The following PCDHGB3 variants were observed in gnomAD, a reference collection of about 807,000 sequenced individuals.
PCDHGB3 encodes the protein protocadherin gamma subfamily B, 3, also known as protocadherin gamma-B3.
A neutral mutation model predicts 59.2 loss-of-function variants in PCDHGB3; 40 were observed. That is an observed-to-expected ratio of 0.68 (90% CI 0.52 to 0.88). The LOEUF is 0.88. PCDHGB3 is among the 40% of genes least tolerant of loss of function. The pLI is 0.00. For missense variants in PCDHGB3, 1,309 were observed against 1,187.9 expected, an observed-to-expected ratio of 1.10 and a Z score of -1.50; for synonymous variants, 581 against 503.6, an observed-to-expected ratio of 1.15 and a Z score of -2.06.
chr5:141,444,376 G>A (rs977995642), intron 1 of PCDHGB3, among the ~76,000 whole-genome samples: 1 of 151,796 alleles, frequency 6.6e-6, no homozygotes, highest in Non-Finnish European at 1.5e-5. Flanking sequence ...TCTCCATGTT[G>A]GTCAGGCTAG....
In PCDHGB3 at chr5:141,442,072, C is replaced by G. The variant is rs1034351866; in HGVS notation, c.2416-52735C>G. On this transcript the variant is annotated intron_variant, in intron 1 of 3. Transcript: ENST00000576222. ...GTCGCGGTGCACTGCGGTGGACAGC[C>G]GCTCCTCTCGCTACCGCCACGTCAC... 17 of 175,092 alleles carry G rather than the reference C, an allele frequency of 9.7e-5. No homozygotes were observed. The South Asian group carries it at 1.5e-3, about 16-fold the overall frequency. 10.8% of individuals were successfully genotyped at this position (175,092 alleles called of 1,614,324 possible). A position where few individuals can be genotyped will look rare whatever the true frequency, so the allele number is the denominator to read the frequency against.
rs571984924 is a variant in PCDHGB3 at position 141,383,845 on chromosome 5, G to T, written c.2415+11036G>T. ...AGATTATGAAGAAACTGCCTTCTAT[G>T]AAATGGAGGTTCAGGCTCAAGATGG... On this transcript the variant is annotated intron_variant, in intron 1 of 3. Coordinates refer to ENST00000576222, the MANE Select transcript of PCDHGB3 (RefSeq NM_018924.5). The T allele has an allele frequency of 1.6e-4, 259 of 1,613,938 alleles. 1 individual carries two copies. The South Asian group carries it at 2.6e-3, about 16-fold the overall frequency.
Position 141,490,795 on chromosome 5 carries a change from C to G in PCDHGB3, c.2416-4012C>G. The G allele has an allele frequency of 6.2e-7, 1 of 1,614,036 alleles. No homozygotes were observed. The highest frequency in any genetic ancestry group is 1.1e-5 in the South Asian group (1 of 91,084). Reference sequence around the variant, plus strand: ...CCCAGAGGATGGACGGATCTTTGCCCAGCGTACCTTTGACTATGAATTGCT... The same window carrying G: ...CCCAGAGGATGGACGGATCTTTGCCGAGCGTACCTTTGACTATGAATTGCT... On this transcript the variant is annotated intron_variant, in intron 1 of 3. Transcript: ENST00000576222. This position sits in a 1 kb window ranked among gnomAD's most constrained non-coding sequence, Gnocchi z 5.4.
Position 141,489,381 on chromosome 5 carries a change from T to C in PCDHGB3, c.2416-5426T>C. 3 of 1,613,894 alleles carry C rather than the reference T, an allele frequency of 1.9e-6. No individual in the cohort carries two copies. The highest frequency in any genetic ancestry group is 2.5e-6 in the Non-Finnish European group (3 of 1,179,802). On this transcript the variant is annotated intron_variant, in intron 1 of 3. Coordinates refer to ENST00000576222, the MANE Select transcript of PCDHGB3 (RefSeq NM_018924.5). The surrounding 1 kb of genome is among the most constrained non-coding windows in gnomAD (Gnocchi z 4.5). ...CTGAGCCGGGGACGCTGGTGGGGAA[T>C]GTTGCTCAGGATCTGGGCTTAAAGA...
rs2099394923 is a variant in PCDHGB3 at position 141,476,611 on chromosome 5, A to G, written c.2416-18196A>G. On this transcript the variant is annotated intron_variant, in intron 1 of 3. Coordinates refer to ENST00000576222, the MANE Select transcript of PCDHGB3 (RefSeq NM_018924.5). The surrounding 1 kb of genome is among the most constrained non-coding windows in gnomAD (Gnocchi z 7.6). ...AGAGCGCGCACGATCCCGATGTGGG[A>G]AGCAACTCTTTACAAACCTATGAGC... 6.2e-7 allele frequency: 1 copy of G among 1,614,092 alleles called. No individual in the cohort carries two copies. Among genetic ancestry groups the G allele is most frequent in the Non-Finnish European group, 8.5e-7 (1 of 1,180,042 alleles).
chr5:141,419,730 G>A (rs747960969), intron 1 of PCDHGB3: 9 of 1,613,746 alleles, frequency 5.6e-6, no homozygotes, highest in Non-Finnish European at 7.6e-6. Context: ...CTGCGAACAG[G>A]CGAGGTGCGC....
intron 1 of PCDHGB3, chr5:141,426,204 T>C (rs10046053): frequency 0.11 from 17,599 of 155,696 alleles, 1,197 homozygotes; most frequent in African/African-American, 0.19. Flanking sequence ...TTGAGTTTTC[T>C]ATGTATGGAA....
intron 1 of PCDHGB3, chr5:141,385,096 G>T (rs746092295): frequency 6.2e-7 from 1 of 1,614,190 alleles, no homozygotes; most frequent in Non-Finnish European, 8.5e-7. Context: ...AGGTGGCTTG[G>T]CGAACGTGCC....
At chr5:141,437,895 A>G (rs911855268) in intron 1 of PCDHGB3, among the ~76,000 whole-genome samples, 23 of 151,954 alleles carry the variant, frequency 1.5e-4, no homozygotes, top group African/African-American at 4.8e-4. Flanking sequence ...ACGCCACCAC[A>G]CCCAGCTAAT....
chr5:141,426,978 G>A (rs1383521288), intron 1 of PCDHGB3: 1 of 456,770 alleles, frequency 2.2e-6, no homozygotes, highest in Non-Finnish European at 4.4e-6. Flanking sequence ...TGAGGTCACT[G>A]ATGCCAACGA....
chr5:141,487,802 C>G lies in PCDHGB3; in HGVS notation c.2416-7005C>G. On this transcript the variant is annotated intron_variant, in intron 1 of 3. Transcript: ENST00000576222. The surrounding 1 kb of genome is among the most constrained non-coding windows in gnomAD (Gnocchi z 5.0). ...TTTCGTGAATTAACCAGAGTTGTCACAGTTTAGCATTGGGGGCGGGTCATG... is the reference window on the plus strand; with the variant it reads ...TTTCGTGAATTAACCAGAGTTGTCAGAGTTTAGCATTGGGGGCGGGTCATG... 6.8e-7 allele frequency: 1 copy of G among 1,477,424 alleles called. No homozygotes were observed. The allele number at this position is 1,477,424 out of a possible 1,614,324, so 91.5% of individuals were successfully genotyped here.
At chr5:141,397,725 C>T (rs1292048088) in intron 1 of PCDHGB3, among the ~76,000 whole-genome samples, 1 of 152,180 alleles carries the variant, frequency 6.6e-6, no homozygotes, top group Non-Finnish European at 1.5e-5. Flanking sequence ...ATTTGGAAAA[C>T]AGAGAAAGAT....
At chr5:141,463,176 C>T (rs989201395) in intron 1 of PCDHGB3, among the ~76,000 whole-genome samples, 2 of 152,100 alleles carry the variant, frequency 1.3e-5, no homozygotes, top group African/African-American at 4.8e-5. Context: ...TATGTATGCT[C>T]AGATTATTAT....
chr5:141,388,774 G>T, intron 1 of PCDHGB3: 1 of 1,613,878 alleles, frequency 6.2e-7, no homozygotes, highest in Non-Finnish European at 8.5e-7. Context: ...TCTAACACCG[G>T]GGAAATTACT....
At chr5:141,507,183 C>T (rs2099859036) in intron 3 of PCDHGB3, 1 of 152,428 alleles carries the variant, frequency 6.6e-6, no homozygotes, top group Non-Finnish European at 1.5e-5. Flanking sequence ...TCCTCGAGCT[C>T]TGCTTTATTC....
intron 1 of PCDHGB3, among the ~76,000 whole-genome samples, chr5:141,433,395 CTATCTA>C (rs1561869588): frequency 2.0e-5 from 3 of 150,654 alleles, no homozygotes; most frequent in African/African-American, 7.3e-5. Flanking sequence ...ATCTATCTAT[CTATCTA>C]TCTATTACTT....
At position 141,370,541 on chromosome 5, in the gene PCDHGB3, C is replaced by A. The variant is rs760146561; in HGVS notation, c.147C>A (p.Asn49Lys). ...EELDRGSLVG[N>K]LAKDLGFGVG... ...TGGACAGGGGCTCGCTGGTAGGGAACCTCGCCAAGGACCTGGGGTTTGGCG... is the reference window on the plus strand; with the variant it reads ...TGGACAGGGGCTCGCTGGTAGGGAAACTCGCCAAGGACCTGGGGTTTGGCG... The change falls in exon 1 of 4, where the codon AAC (asparagine) becomes AAA (lysine). Residue 49 changes from asparagine (N) to lysine (K), a missense_variant. Asn to Lys is a moderately conservative substitution (Grantham distance 94). Coordinates refer to ENST00000576222, the MANE Select transcript of PCDHGB3 (RefSeq NM_018924.5). 2 of 1,613,924 alleles carry A rather than the reference C, an allele frequency of 1.2e-6. No homozygotes were observed. Among genetic ancestry groups the A allele is most frequent in the African/African-American group, 1.3e-5 (1 of 75,026 alleles).
At chr5:141,383,622 C>G (rs780650375) in intron 1 of PCDHGB3, 19 of 1,613,798 alleles carry the variant, frequency 1.2e-5, no homozygotes, top group Admixed American at 3.3e-5. Flanking sequence ...ACACGCCTGT[C>G]TTCTCTCTGC....
chr5:141,445,621 G>A (rs1216813961), intron 1 of PCDHGB3, among the ~76,000 whole-genome samples: 4 of 151,996 alleles, frequency 2.6e-5, no homozygotes, highest in African/African-American at 7.2e-5. Flanking sequence ...TCTTTTTTTC[G>A]GAAAGTGATA....
Sources: gnomAD v4.1 joint callset for allele counts (sites outside exome capture counted in the v4.1 genomes callset) on GRCh38, gnomAD v4.1.1 for gene constraint, Gnocchi (gnomAD v3.1) non-coding constraint, MANE v1.5 for transcripts, NCBI Gene and HGNC (gene_info 2026-07-23, HGNC 2026-07-21) for gene names.